Variants in KCNJ15 observed in about 807,000 individuals in gnomAD.
KCNJ15 encodes ATP-sensitive inward rectifier potassium channel 15.
KCNJ15 carries 14 observed loss-of-function variants against 23.0 expected under a neutral mutation model. The observed-to-expected ratio is 0.61, with a 90% CI of 0.40 to 0.95. The LOEUF (loss-of-function observed/expected upper bound fraction) is 0.95, where lower values mean the gene tolerates loss of function less well. Among genes scored for constraint, KCNJ15 ranks in the 40% least tolerant of loss-of-function variants. KCNJ15 has a pLI of 0.00. For missense variants in KCNJ15, 388 were observed against 461.8 expected (o/e 0.84, Z 1.46); for synonymous variants, 185 against 183.2 (o/e 1.01, Z -0.08).
chr21:38,271,152 C>T (rs926157493), intron 1 of KCNJ15, among the ~76,000 whole-genome samples: 2 of 152,234 alleles, frequency 1.3e-5, no homozygotes, highest in East Asian at 3.8e-4. Context: ...GGTGTAGCTG[C>T]TTAAATAAGC....
chr21:38,279,841 A>C (rs1983129882), intron 1 of KCNJ15, among the ~76,000 whole-genome samples: 2 of 152,220 alleles, frequency 1.3e-5, no homozygotes, highest in Non-Finnish European at 2.9e-5. Context: ...TTTATTACCA[A>C]TGAATGAAAT....
chr21:38,232,137 G>GTT (rs60585699), intron 1 of KCNJ15, among the ~76,000 whole-genome samples: 2 of 145,684 alleles, frequency 1.4e-5, no homozygotes, highest in African/African-American at 5.0e-5. Flanking sequence ...TTCATTAGAG[G>GTT]TTTTTTTTTT....
chr21:38,295,865 G>T (rs951628964), intron 1 of KCNJ15, among the ~76,000 whole-genome samples: 6 of 152,224 alleles, frequency 3.9e-5, no homozygotes, highest in Non-Finnish European at 7.3e-5. Flanking sequence ...GCACAAAGAA[G>T]ATTCTGGGTC....
chr21:38,254,785 C>A (rs934058767), upstream of KCNJ15, among the ~76,000 whole-genome samples: 1 of 152,142 alleles, frequency 6.6e-6, no homozygotes, highest in Non-Finnish European at 1.5e-5. Flanking sequence ...ATCATGCCTA[C>A]ATTTTGATCT....
intron 1 of KCNJ15, among the ~76,000 whole-genome samples, chr21:38,246,227 G>A (rs1248151750): frequency 2.0e-5 from 3 of 152,160 alleles, no homozygotes; most frequent in African/African-American, 7.2e-5. Context: ...CTAGGGTCTG[G>A]TTTCTTTGCT....
At chr21:38,284,538 G>T (rs193139140) in intron 1 of KCNJ15, among the ~76,000 whole-genome samples, 1 of 152,156 alleles carries the variant, frequency 6.6e-6, no homozygotes, top group East Asian at 1.9e-4. Context: ...TGAAAGTGCC[G>T]ATTAAACAGA....
chr21:38,234,990 C>T (rs1978506999), intron 1 of KCNJ15, among the ~76,000 whole-genome samples: 1 of 152,230 alleles, frequency 6.6e-6, no homozygotes, highest in East Asian at 1.9e-4. Context: ...TGCTCAAACA[C>T]AGATATGATG....
rs1985228224 is a variant in KCNJ15 at position 38,296,977 on chromosome 21, T to G, written c.-65T>G. 2 of 152,690 alleles carry G rather than the reference T, an allele frequency of 1.3e-5. No individual in the cohort carries two copies. The allele number at this position is 152,690 out of a possible 1,614,324, so 9.5% of individuals were successfully genotyped here. On this transcript the variant is annotated 5_prime_UTR_variant, in exon 2 of 3. Transcript: ENST00000398938. ...GGTGGGTGAAGGGGAGCGAGGACGT[T>G]CTACCTGCCTTGAAGAAGACACCTG...
At chr21:38,259,152 G>A (rs897067080) in intron 1 of KCNJ15, among the ~76,000 whole-genome samples, 4 of 152,206 alleles carry the variant, frequency 2.6e-5, no homozygotes, top group African/African-American at 7.2e-5. Flanking sequence ...ATCAGTACAT[G>A]TCAAATCTTT....
At chr21:38,287,642 A>T (rs1256729157) in intron 1 of KCNJ15, among the ~76,000 whole-genome samples, 2 of 152,202 alleles carry the variant, frequency 1.3e-5, no homozygotes, top group African/African-American at 4.8e-5. Context: ...CTTGTATTTT[A>T]TCTGGCAACT....
intron 1 of KCNJ15, among the ~76,000 whole-genome samples, chr21:38,250,643 C>T (rs1979761823): frequency 6.6e-6 from 1 of 152,186 alleles, no homozygotes; most frequent in Admixed American, 6.5e-5. Flanking sequence ...AATCAAACAC[C>T]TGGCCTGTCC....
chr21:38,282,928 G>A (rs115111985), intron 1 of KCNJ15, among the ~76,000 whole-genome samples: 2,022 of 152,196 alleles, frequency 0.013, 63 homozygotes, highest in African/African-American at 0.047. Context: ...ACATTTGAGC[G>A]GGGCCTCGAG....
intron 1 of KCNJ15, among the ~76,000 whole-genome samples, chr21:38,260,605 T>C (rs1026413776): frequency 6.6e-6 from 1 of 152,192 alleles, no homozygotes; most frequent in East Asian, 1.9e-4. Context: ...TTAGCCACTA[T>C]ACAAAGATGA....
chr21:38,280,500 G>A (rs1487860653), intron 1 of KCNJ15, among the ~76,000 whole-genome samples: 1 of 152,122 alleles, frequency 6.6e-6, no homozygotes, highest in African/African-American at 2.4e-5. Context: ...GTATATAGAG[G>A]TAGCTGTTAT....
chr21:38,260,940 G>A (rs1466013904), intron 1 of KCNJ15, among the ~76,000 whole-genome samples: 1 of 152,156 alleles, frequency 6.6e-6, no homozygotes, highest in African/African-American at 2.4e-5. Context: ...AGTCACAGAG[G>A]CTGTGTAGGC....
intron 1 of KCNJ15, among the ~76,000 whole-genome samples, chr21:38,231,963 A>G (rs944850795): frequency 6.6e-6 from 1 of 151,802 alleles, no homozygotes; most frequent in Non-Finnish European, 1.5e-5. Flanking sequence ...CATATAACCA[A>G]CCTCATAAAA....
chr21:38,254,674 G>A (rs971132657), upstream of KCNJ15, among the ~76,000 whole-genome samples: 3 of 152,178 alleles, frequency 2.0e-5, no homozygotes, highest in Non-Finnish European at 4.4e-5. Flanking sequence ...AAAGTGAAAA[G>A]AGCTGTTTTG....
intron 1 of KCNJ15, among the ~76,000 whole-genome samples, chr21:38,244,732 TGG>T (rs1979247161): frequency 6.6e-6 from 1 of 152,140 alleles, no homozygotes; most frequent in African/African-American, 2.4e-5. Context: ...TCAAGTAAGT[TGG>T]GGAGGGGAAC....
chr21:38,281,006 G>C (rs1176715150), intron 1 of KCNJ15, among the ~76,000 whole-genome samples: 1 of 152,172 alleles, frequency 6.6e-6, no homozygotes, highest in Non-Finnish European at 1.5e-5. Context: ...AAGGCCGTTT[G>C]CTATGCAGAG....
Sources: allele counts gnomAD v4.1 joint callset (sites outside exome capture counted in the v4.1 genomes callset), GRCh38; gene constraint gnomAD v4.1.1; transcripts MANE v1.5; gene names NCBI Gene and HGNC (gene_info 2026-07-23, HGNC 2026-07-21).